Variants in CPXM2 observed in about 807,000 individuals in gnomAD.
CPXM2 encodes the protein carboxypeptidase X, M14 family member 2.
CPXM2 carries 66 observed loss-of-function variants against 86.1 expected under a neutral mutation model. That is an observed-to-expected ratio of 0.77 (90% CI 0.63 to 0.94). The LOEUF is 0.94. CPXM2 is among the 40% of genes least tolerant of loss of function. CPXM2 has a pLI of 0.00. For synonymous variants in CPXM2, 388 were observed against 400.2 expected, an observed-to-expected ratio of 0.97 and a Z score of 0.36; for missense variants, 948 against 1,026.3, an observed-to-expected ratio of 0.92 and a Z score of 1.04.
rs138395796 is a variant in CPXM2, at chr10:123,780,872, C to T, written c.890-617G>A. ...CAATCAGAACACAGCATCTACTGGCCACTGTAATTGATCCAGATTGAAGGG... is the reference window on the plus strand; with the variant it reads ...CAATCAGAACACAGCATCTACTGGCTACTGTAATTGATCCAGATTGAAGGG... On this transcript the variant is annotated intron_variant, in intron 6 of 13. Transcript: ENST00000241305. Among the ~76,000 whole-genome samples, 10 of 152,252 alleles carry T rather than the reference C, an allele frequency of 6.6e-5. No individual in the cohort carries two copies. The East Asian group carries it at 1.9e-3, about 29-fold the overall frequency.
chr10:123,862,710 A>G lies in CPXM2; in HGVS notation c.417T>C (p.Leu139=). The G allele has an allele frequency of 6.3e-7, 1 of 1,587,528 alleles. No individual in the cohort carries two copies. The highest frequency in any genetic ancestry group is 2.3e-5 in the East Asian group (1 of 44,044). Residue 139 remains leucine, a synonymous_variant, in exon 3 of 14, where the codon CTT becomes CTC. Coordinates refer to ENST00000241305, the MANE Select transcript of CPXM2 (RefSeq NM_198148.3). ...CTGTGATTTTTAAGGTTTCCAGACC[A>G]AGAGGTGGGCAACCTGGAAAGGACA... is the stretch of plus-strand genomic sequence containing the variant. ...REDVRESCPP[L]GLETLKITDF...
At chr10:123,936,776 C>A in intron 2 of CPXM2, among the ~76,000 whole-genome samples, 1 of 152,234 alleles carries the variant, frequency 6.6e-6, no homozygotes, top group East Asian at 1.9e-4. Context: ...CACCTCCAGT[C>A]CTCGGGCCCC....
At chr10:123,868,637 C>A (rs911774310) in intron 2 of CPXM2, among the ~76,000 whole-genome samples, 3 of 152,060 alleles carry the variant, frequency 2.0e-5, no homozygotes, top group Admixed American at 1.3e-4. Flanking sequence ...TCAATAATCA[C>A]GGTAATTGTC....
At chr10:123,881,063 C>T (rs1945081317) in intron 1 of CPXM2, among the ~76,000 whole-genome samples, 2 of 151,634 alleles carry the variant, frequency 1.3e-5, no homozygotes, top group South Asian at 4.2e-4. Flanking sequence ...GCCTCCTTGC[C>T]ATAGCCTGAG....
intron 1 of CPXM2, among the ~76,000 whole-genome samples, chr10:123,884,670 A>G (rs1045990095): frequency 2.6e-5 from 4 of 152,078 alleles, no homozygotes; most frequent in African/African-American, 9.7e-5. Context: ...CCAAAACTAG[A>G]CCAAAATCAA....
chr10:123,890,966 C>T (rs1191471342), intron 1 of CPXM2, among the ~76,000 whole-genome samples: 1 of 152,228 alleles, frequency 6.6e-6, no homozygotes, highest in East Asian at 1.9e-4. Flanking sequence ...CCATCCACAT[C>T]CCCAAAGCGG....
chr10:123,764,255 T>G (rs1442602708), intron 10 of CPXM2, among the ~76,000 whole-genome samples: 1 of 152,212 alleles, frequency 6.6e-6, no homozygotes, highest in Non-Finnish European at 1.5e-5. Context: ...TGAACAGGCT[T>G]TCTTATCTCC....
At chr10:123,915,626 C>T (rs7093377) in intron 2 of CPXM2, among the ~76,000 whole-genome samples, 53,394 of 151,958 alleles carry the variant, frequency 0.35, 9,767 homozygotes, top group Middle Eastern at 0.55. Flanking sequence ...GCCCTTCAGA[C>T]AACTCATCAT....
intron 4 of CPXM2, among the ~76,000 whole-genome samples, chr10:123,809,229 G>A (rs543995824): frequency 1.6e-4 from 24 of 152,224 alleles, no homozygotes; most frequent in African/African-American, 4.6e-4. Flanking sequence ...AGGGATGCTG[G>A]CAATTCAGAC....
At chr10:123,937,930 C>G (rs540213758) in intron 2 of CPXM2, among the ~76,000 whole-genome samples, 6 of 152,184 alleles carry the variant, frequency 3.9e-5, no homozygotes, top group Non-Finnish European at 7.3e-5. Flanking sequence ...ATTTCTGGTG[C>G]TAGAGCCTTG....
intron 2 of CPXM2, among the ~76,000 whole-genome samples, chr10:123,930,201 C>T (rs985569061): frequency 1.1e-5 from 1 of 87,798 alleles, no homozygotes; most frequent in Non-Finnish European, 2.0e-5. Context: ...TGCCTGAGTA[C>T]ACGTGGGCCC....
At chr10:123,763,400 T>C (rs1428809384) in intron 10 of CPXM2, among the ~76,000 whole-genome samples, 1 of 152,140 alleles carries the variant, frequency 6.6e-6, no homozygotes, top group Admixed American at 6.6e-5. Context: ...TGTGTGTGCC[T>C]ACACCATCCT....
intron 4 of CPXM2, among the ~76,000 whole-genome samples, chr10:123,799,928 T>C (rs1295589242): frequency 2.0e-5 from 3 of 152,126 alleles, no homozygotes; most frequent in African/African-American, 7.2e-5. Context: ...CAGTTTTTTA[T>C]AATATTAGTT....
chr10:123,919,816 G>A (rs1391649656), intron 2 of CPXM2, among the ~76,000 whole-genome samples: 1 of 152,182 alleles, frequency 6.6e-6, no homozygotes, highest in African/African-American at 2.4e-5. Flanking sequence ...ATCTCCTTCT[G>A]GTGAGGGCTT....
At chr10:123,925,092 T>C (rs2134281909) in intron 2 of CPXM2, among the ~76,000 whole-genome samples, 1 of 139,890 alleles carries the variant, frequency 7.1e-6, no homozygotes, top group Admixed American at 7.5e-5. Context: ...TGATAAGTCA[T>C]AAATTATTTT....
Position 123,885,308 on chromosome 10 carries a change from T to C in CPXM2, c.305-4999A>G, listed in dbSNP as rs918360530. 5.9e-5 allele frequency among the ~76,000 whole-genome samples: 9 copies of C among 152,236 alleles called. No homozygotes were observed. The highest frequency in any genetic ancestry group is 2.2e-4 in the African/African-American group (9 of 41,540). On this transcript the variant is annotated intron_variant, in intron 1 of 13. Coordinates refer to ENST00000241305, the MANE Select transcript of CPXM2 (RefSeq NM_198148.3). The surrounding 1 kb of genome is among the most constrained non-coding windows in gnomAD (Gnocchi z 4.0). ...GCTGGGAGGCTGGAAGGCTGGGCAT[T>C]GACCCCTCCAATCGTACACCTCCTC...
rs8277 is a variant in CPXM2, at chr10:123,745,885, A to G, written c.*879T>C. On this transcript the variant is annotated 3_prime_UTR_variant, in exon 14 of 14. Transcript: ENST00000241305. The stretch of plus-strand genomic sequence containing the variant: ...CCAACCCATGAGCACTCAATTCCAC[A>G]CAGGGGCAATACCTCAAGCAGAGAG... 58,811 of 151,426 alleles carry G rather than the reference A, an allele frequency of 0.39. 12,266 individuals are homozygous for G. Among genetic ancestry groups the G allele is most frequent in the African/African-American group, 0.54 (22,413 of 41,188 alleles). The allele number at this position is 151,426 out of a possible 1,614,324, so 9.4% of individuals were successfully genotyped here. A position where few individuals can be genotyped will look rare whatever the true frequency, so the allele number is the denominator to read the frequency against.
At chr10:123,831,942 G>A (rs1279129469) in intron 4 of CPXM2, among the ~76,000 whole-genome samples, 6 of 147,670 alleles carry the variant, frequency 4.1e-5, no homozygotes, top group Admixed American at 1.3e-4. Flanking sequence ...GGTGGAGGCC[G>A]GGGGTGGGGG....
intron 6 of CPXM2, among the ~76,000 whole-genome samples, chr10:123,790,254 G>A (rs534735347): frequency 1.4e-4 from 21 of 151,704 alleles, no homozygotes; most frequent in Non-Finnish European, 2.8e-4. Flanking sequence ...GGATGGAGCA[G>A]GTGACTAGGA....
Sources: gnomAD v4.1 joint callset for allele counts (sites outside exome capture counted in the v4.1 genomes callset) on GRCh38, gnomAD v4.1.1 for gene constraint, Gnocchi (gnomAD v3.1) non-coding constraint, MANE v1.5 for transcripts, NCBI Gene and HGNC (gene_info 2026-07-23, HGNC 2026-07-21) for gene names.